Variants in DAGLA observed in about 807,000 individuals in gnomAD.
DAGLA encodes diacylglycerol lipase-alpha.
DAGLA carries 22 observed loss-of-function variants against 102.6 expected under a neutral mutation model. The observed-to-expected ratio is 0.21, with a 90% confidence interval of 0.15 to 0.31. The LOEUF (loss-of-function observed/expected upper bound fraction) is 0.31. DAGLA is among the 10% of genes least tolerant of loss of function. The probability of loss-of-function intolerance (pLI) is 1.00; values close to 1 mark genes in which losing one functional copy is unlikely to be tolerated. For missense variants in DAGLA, 927 were observed against 1,446.6 expected (o/e 0.64, Z 5.83); for synonymous variants, 578 against 628.9 (o/e 0.92, Z 1.21).
intron 19 of DAGLA, 92 bp downstream of exon 19, chr11:61,741,441 G>A: frequency 7.2e-7 from 1 of 1,383,052 alleles, no homozygotes. Flanking sequence ...CATGCACTGG[G>A]CTCAGCTCTG....
chr11:61,735,795 C>T lies in DAGLA; in HGVS notation c.1269C>T (p.His423=), dbSNP rs778834343. 7 of 1,611,790 alleles carry T rather than the reference C, an allele frequency of 4.3e-6. No individual in the cohort carries two copies. The highest frequency in any genetic ancestry group is 1.7e-5 in the Admixed American group (1 of 59,780). ...DAERLPVEGH[H]GTWLGHKGMV... Reference sequence around the variant, plus strand: ...AGCGCCTCCCCGTGGAGGGGCACCACGGCACCTGGCTGGGCCACAAGGTAA... The same window carrying T: ...AGCGCCTCCCCGTGGAGGGGCACCATGGCACCTGGCTGGGCCACAAGGTAA... Residue 423 remains histidine (H), a synonymous_variant, in exon 12 of 20, where the codon CAC becomes CAT. Transcript: ENST00000257215.
intron 1 of DAGLA, among the ~76,000 whole-genome samples, chr11:61,685,100 C>A (rs535675722): frequency 6.6e-6 from 1 of 152,182 alleles, no homozygotes; most frequent in East Asian, 1.9e-4. Context: ...CCCTCCCCCC[C>A]ATGACAGAAG....
At chr11:61,700,896 C>T (rs1001240311) in intron 1 of DAGLA, among the ~76,000 whole-genome samples, 1 of 152,248 alleles carries the variant, frequency 6.6e-6, no homozygotes, top group Non-Finnish European at 1.5e-5. Flanking sequence ...CTGCATGTCA[C>T]TCACATGTGG....
intron 10 of DAGLA, 67 bp from the exon 11 acceptor site, chr11:61,735,494 C>A: frequency 7.0e-7 from 1 of 1,432,816 alleles, no homozygotes; most frequent in Non-Finnish European, 9.7e-7. Flanking sequence ...GGAGACCTGC[C>A]TAGGTCACTT....
At chr11:61,720,651 C>T in intron 2 of DAGLA, 28 bp from the exon 3 acceptor site, 7 of 1,610,212 alleles carry the variant, frequency 4.3e-6, no homozygotes, top group Non-Finnish European at 5.9e-6. Flanking sequence ...GCCACCTGGC[C>T]TTGCTCACAC....
At chr11:61,692,100 G>GCA (rs771770718) in intron 1 of DAGLA, among the ~76,000 whole-genome samples, 23 of 152,180 alleles carry the variant, frequency 1.5e-4, no homozygotes, top group Non-Finnish European at 2.4e-4. Context: ...GGAGGGCAGT[G>GCA]TTTGACCCAT....
At chr11:61,735,418 G>A (rs1288575674) in intron 10 of DAGLA, 143 bp from the exon 11 acceptor site, 5 of 708,756 alleles carry the variant, frequency 7.1e-6, no homozygotes, top group South Asian at 5.6e-5. Flanking sequence ...GTGACCCTGG[G>A]AGCCCGTCAG....
Position 61,726,028 on chromosome 11 carries a change from G to T in DAGLA, c.582G>T (p.Trp194Cys). ...HRLEEGQATS[W>C]SRRLKVFLCC... ...TAGAGGAGGGTCAAGCCACCAGCTG[G>T]TCGCGCCGGCTCAAAGTGTTCCTCT... Residue 194 changes from tryptophan to cysteine, a missense_variant, in exon 6 of 20, where the codon TGG (tryptophan) becomes TGT (cysteine). Around this residue, in one of 4 missense-constraint regions of DAGLA, gnomAD observed 231 missense variants for 439.8 expected, o/e 0.53. Coordinates refer to ENST00000257215, the MANE Select transcript of DAGLA (RefSeq NM_006133.3). 1 of 1,613,574 alleles carries T rather than the reference G, an allele frequency of 6.2e-7. No individual in the cohort carries two copies.
chr11:61,723,564 C>T lies in DAGLA; in HGVS notation c.540C>T (p.Tyr180=), dbSNP rs138501123. The change falls in exon 5 of 20, where the codon TAC becomes TAT. Residue 180 remains tyrosine, a synonymous_variant. Transcript: ENST00000257215. ...TKRRQRNLRT[Y]NLRHRLEEGQ... ...GGAGGCAGCGTAACCTGCGGACCTA[C>T]AACCTGCGGTCAGTCAGCGGGCTGG... The T allele has an allele frequency of 4.0e-5, 64 of 1,613,524 alleles. No individual in the cohort carries two copies. In the African/African-American group the frequency reaches 8.0e-4, roughly 20 times the overall value.
chr11:61,695,903 A>G (rs2065060748), intron 1 of DAGLA, among the ~76,000 whole-genome samples: 1 of 152,148 alleles, frequency 6.6e-6, no homozygotes, highest in Non-Finnish European at 1.5e-5. Context: ...AAAGCCAGAT[A>G]CCCAGAGTGT....
In DAGLA at chr11:61,681,742, G is replaced by T. The variant is rs117634922; in HGVS notation, c.-45+1238G>T. ...CCCAGGCTTAAATTCCTTTCCAAGG[G>T]CTCTGTCTGTCCTCTCTGCTTAGCT... On this transcript the variant is annotated intron_variant, in intron 1 of 19. Coordinates refer to ENST00000257215, the MANE Select transcript of DAGLA (RefSeq NM_006133.3). Among the ~76,000 whole-genome samples the T allele has an allele frequency of 6.3e-3, 964 of 152,252 alleles. 4 individuals carry two copies. The highest frequency in any genetic ancestry group is 0.01 in the Non-Finnish European group (684 of 68,024).
intron 1 of DAGLA, among the ~76,000 whole-genome samples, chr11:61,683,430 AG>A (rs1477274331): frequency 2.0e-5 from 3 of 152,108 alleles, no homozygotes; most frequent in Non-Finnish European, 2.9e-5. Context: ...ACCTCCCCCG[AG>A]GAGTTGCTGG....
In DAGLA at chr11:61,744,719, G is replaced by C. The variant is rs2065522596; in HGVS notation, c.*230G>C. ...CAGATGGGGAAAGATGGGGAAGGGTGTGGAGTGGGGAGGAGCCTGGGCAGC... is the reference window on the plus strand; with the variant it reads ...CAGATGGGGAAAGATGGGGAAGGGTCTGGAGTGGGGAGGAGCCTGGGCAGC... On this transcript the variant is annotated 3_prime_UTR_variant, in exon 20 of 20. Transcript: ENST00000257215. 1.2e-5 allele frequency: 6 copies of C among 507,380 alleles called. No individual in the cohort carries two copies. In the East Asian group the frequency reaches 1.6e-4, roughly 14 times the overall value. The allele number at this position is 507,380 out of a possible 1,614,324, so 31.4% of individuals were successfully genotyped here. A position where few individuals can be genotyped will look rare whatever the true frequency, so the allele number is the denominator to read the frequency against.
intron 8 of DAGLA, among the ~76,000 whole-genome samples, chr11:61,729,470 C>G (rs367630453): frequency 1.8e-4 from 28 of 152,126 alleles, no homozygotes; most frequent in African/African-American, 6.5e-4. Flanking sequence ...GGGCCCAGCA[C>G]ACAGCCCAGG....
intron 1 of DAGLA, among the ~76,000 whole-genome samples, chr11:61,696,386 G>A (rs1056171470): frequency 6.6e-6 from 1 of 152,078 alleles, no homozygotes; most frequent in Non-Finnish European, 1.5e-5. Context: ...TGGACCTGAC[G>A]CCCAGCCGTC....
chr11:61,738,478 A>G (rs1349141035), intron 16 of DAGLA, among the ~76,000 whole-genome samples: 1 of 152,174 alleles, frequency 6.6e-6, no homozygotes, highest in East Asian at 1.9e-4. Flanking sequence ...CAGAATCAGG[A>G]CAGGAACCGA....
chr11:61,706,817 T>C (rs1248679257), intron 1 of DAGLA, among the ~76,000 whole-genome samples: 3 of 151,966 alleles, frequency 2.0e-5, no homozygotes, highest in African/African-American at 7.2e-5. Flanking sequence ...CCCCAAACCC[T>C]GGAGGAGACG....
intron 3 of DAGLA, among the ~76,000 whole-genome samples, chr11:61,721,297 C>T (rs190923421): frequency 1.7e-4 from 26 of 152,094 alleles, no homozygotes; most frequent in Non-Finnish European, 3.2e-4. Flanking sequence ...GGGAGGCTGA[C>T]GCAGGAGAAT....
At chr11:61,706,092 A>G (rs992600838) in intron 1 of DAGLA, among the ~76,000 whole-genome samples, 1 of 152,254 alleles carries the variant, frequency 6.6e-6, no homozygotes, top group Non-Finnish European at 1.5e-5. Flanking sequence ...ACTGCAGAAC[A>G]GTCTAACAGG....
Sources: gnomAD v4.1 joint callset for allele counts (sites outside exome capture counted in the v4.1 genomes callset) on GRCh38, gnomAD v4.1.1 for gene constraint, gnomAD v4.1.1 regional missense constraint, MANE v1.5 for transcripts, NCBI Gene and HGNC (gene_info 2026-07-23, HGNC 2026-07-21) for gene names.